EPHB1: variants seen among roughly 807,000 people sequenced by gnomAD.
EPHB1 encodes the protein ephrin type-B receptor 1.
EPHB1 carries 30 observed loss-of-function variants against 94.4 expected under a neutral mutation model. That is an observed-to-expected ratio of 0.32 (90% CI 0.24 to 0.43). The LOEUF (loss-of-function observed/expected upper bound fraction) is 0.43, where lower values mean the gene tolerates loss of function less well. Ranked by LOEUF, EPHB1 falls within the 20% of genes least tolerant of loss-of-function variation. The probability of loss-of-function intolerance (pLI) is 1.00; values close to 1 mark genes in which losing one functional copy is unlikely to be tolerated. For synonymous variants in EPHB1, 522 were observed against 489.1 expected, an observed-to-expected ratio of 1.07 and a Z score of -0.89; for missense variants, 1,055 against 1,308.3, an observed-to-expected ratio of 0.81 and a Z score of 2.99.
chr3:135,127,785 T>C (rs1197510321), intron 4 of EPHB1, among the ~76,000 whole-genome samples: 1 of 152,180 alleles, frequency 6.6e-6, no homozygotes, highest in African/African-American at 2.4e-5. Context: ...TCTATCTTAA[T>C]ATGGTAGCAC....
At chr3:135,017,992 C>T (rs912193587) in intron 3 of EPHB1, among the ~76,000 whole-genome samples, 1 of 151,994 alleles carries the variant, frequency 6.6e-6, no homozygotes, top group African/African-American at 2.4e-5. Context: ...TGCACCATGC[C>T]TGGACTGTGA....
chr3:135,241,065 G>C (rs1312755033), intron 12 of EPHB1, 83 bp from the exon 13 acceptor site: 1 of 1,529,434 alleles, frequency 6.5e-7, no homozygotes, highest in South Asian at 1.1e-5. Flanking sequence ...GAGTTTGGAA[G>C]AATGTGCATG....
intron 3 of EPHB1, among the ~76,000 whole-genome samples, chr3:135,101,459 T>G (rs1190926088): frequency 1.3e-5 from 2 of 152,080 alleles, no homozygotes; most frequent in African/African-American, 4.8e-5. Context: ...CTGCAACCTC[T>G]GCGTCCTGGG....
intron 15 of EPHB1, among the ~76,000 whole-genome samples, chr3:135,258,068 C>T (rs55913165): frequency 0.22 from 33,438 of 152,034 alleles, 3,883 homozygotes; most frequent in East Asian, 0.31. Flanking sequence ...CACCCTGCTT[C>T]GGCTCGTGCA....
chr3:134,811,584 C>A (rs762310542), intron 1 of EPHB1, among the ~76,000 whole-genome samples: 1 of 151,982 alleles, frequency 6.6e-6, no homozygotes, highest in Non-Finnish European at 1.5e-5. Flanking sequence ...CCACCCCACA[C>A]CCTGTGAATG....
intron 4 of EPHB1, among the ~76,000 whole-genome samples, chr3:135,127,851 C>T (rs930781457): frequency 6.6e-6 from 1 of 152,170 alleles, no homozygotes; most frequent in Non-Finnish European, 1.5e-5. Flanking sequence ...GACAACCGTG[C>T]TCCATGCAGG....
intron 1 of EPHB1, among the ~76,000 whole-genome samples, chr3:134,832,206 G>A (rs923434964): frequency 2.1e-4 from 32 of 152,248 alleles, no homozygotes; most frequent in Admixed American, 2.0e-3. Flanking sequence ...TGGGTGTCCT[G>A]TTGTTTGTTG....
At chr3:134,962,056 T>C (rs1272150278) in intron 3 of EPHB1, among the ~76,000 whole-genome samples, 1 of 152,200 alleles carries the variant, frequency 6.6e-6, no homozygotes, top group Non-Finnish European at 1.5e-5. Flanking sequence ...TCCCAAATTG[T>C]CCTCCCCAAA....
At chr3:135,054,068 C>A (rs1042805516) in intron 3 of EPHB1, among the ~76,000 whole-genome samples, 1 of 150,876 alleles carries the variant, frequency 6.6e-6, no homozygotes, top group African/African-American at 2.5e-5. Flanking sequence ...CACACACACA[C>A]ACATAGCATT....
intron 15 of EPHB1, among the ~76,000 whole-genome samples, chr3:135,255,467 G>A (rs1011423089): frequency 4.2e-5 from 6 of 143,318 alleles, no homozygotes; most frequent in South Asian, 2.4e-4. Flanking sequence ...CCTACATTTC[G>A]TTATGTACCC....
At chr3:134,944,603 A>G (rs780104655) in intron 2 of EPHB1, among the ~76,000 whole-genome samples, 14 of 152,184 alleles carry the variant, frequency 9.2e-5, no homozygotes, top group Admixed American at 7.9e-4. Flanking sequence ...TTCTCTTTCC[A>G]CTAGGACTAT....
intron 6 of EPHB1, among the ~76,000 whole-genome samples, chr3:135,159,140 C>T (rs1941442404): frequency 6.6e-6 from 1 of 152,130 alleles, no homozygotes; most frequent in South Asian, 2.1e-4. Flanking sequence ...CATTCTCCAT[C>T]CTGCATCCTC....
intron 10 of EPHB1, among the ~76,000 whole-genome samples, chr3:135,189,243 A>G (rs1038358107): frequency 3.3e-5 from 5 of 152,152 alleles, no homozygotes; most frequent in South Asian, 2.1e-4. Context: ...GAGGCAGGCT[A>G]TATGTGTGCT....
At chr3:134,839,293 C>A (rs377403892) in intron 1 of EPHB1, among the ~76,000 whole-genome samples, 3 of 152,288 alleles carry the variant, frequency 2.0e-5, no homozygotes, top group Admixed American at 2.0e-4. Flanking sequence ...TGCCCCTTAC[C>A]GTGCTTGTTA....
chr3:134,983,026 T>C (rs1261399830), intron 3 of EPHB1, among the ~76,000 whole-genome samples: 3 of 152,232 alleles, frequency 2.0e-5, no homozygotes, highest in African/African-American at 7.2e-5. Context: ...ATGCTGTTCT[T>C]ATCTGGTGCC....
chr3:135,045,144 A>AT (rs1474224560), intron 3 of EPHB1, among the ~76,000 whole-genome samples: 2 of 152,180 alleles, frequency 1.3e-5, no homozygotes, highest in African/African-American at 4.8e-5. Flanking sequence ...GTGCATTGAC[A>AT]TTTGTGTGGA....
intron 1 of EPHB1, among the ~76,000 whole-genome samples, chr3:134,824,220 T>A (rs900971866): frequency 6.6e-6 from 1 of 150,652 alleles, no homozygotes; most frequent in Non-Finnish European, 1.5e-5. Context: ...GGCTGTTAAT[T>A]CCCATTGATA....
chr3:134,885,713 G>A (rs1450899699), intron 1 of EPHB1, among the ~76,000 whole-genome samples: 1 of 152,212 alleles, frequency 6.6e-6, no homozygotes, highest in Non-Finnish European at 1.5e-5. Context: ...AACCCAGGGG[G>A]CTTAGTTACT....
intron 3 of EPHB1, among the ~76,000 whole-genome samples, chr3:135,097,829 T>C (rs78711910): frequency 0.018 from 2,764 of 152,234 alleles, 84 homozygotes; most frequent in African/African-American, 0.064. Context: ...GTAAATGCGC[T>C]CCAGCCCTCC....
Sources: gnomAD v4.1 joint callset for allele counts (sites outside exome capture counted in the v4.1 genomes callset) on GRCh38, gnomAD v4.1.1 for gene constraint, MANE v1.5 for transcripts, NCBI Gene and HGNC (gene_info 2026-07-23, HGNC 2026-07-21) for gene names.